FAM111B: variants seen among roughly 807,000 people sequenced by gnomAD.
FAM111B encodes FAM111 trypsin like peptidase B, also known as serine protease FAM111B.
Under a neutral mutation model 2.8 loss-of-function variants are expected in FAM111B, and 1 was observed. That is an observed-to-expected ratio of 0.36 (90% CI 0.13 to 1.70). The LOEUF is 1.70. Ranked by LOEUF, FAM111B falls within the 40% of genes most tolerant of loss-of-function variation. FAM111B has a pLI of 0.35. For synonymous variants in FAM111B, 297 were observed against 295.6 expected, an observed-to-expected ratio of 1.00 and a Z score of -0.05; for missense variants, 882 against 878.9, an observed-to-expected ratio of 1.00 and a Z score of -0.04.
intron 3 of FAM111B, among the ~76,000 whole-genome samples, chr11:59,122,433 T>C (rs2135402469): frequency 6.6e-6 from 1 of 152,334 alleles, no homozygotes; most frequent in African/African-American, 2.4e-5. Context: ...TGGGAAGAGA[T>C]ACATGGATGT....
Position 59,125,285 on chromosome 11 carries a change from A to G in FAM111B, c.1188A>G (p.Glu396=). The change falls in exon 4 of 4, where the codon GAA becomes GAG. Residue 396 remains glutamate, a synonymous_variant. Transcript: ENST00000343597. ...NLLKNYQTLN[E]AIMHQYPNFK... is the part of the protein sequence containing the mutation. ...TAAAGAATTATCAAACGTTGAATGA[A>G]GCCATAATGCATCAGTATCCGAATT... 6.2e-7 allele frequency: 1 copy of G among 1,613,976 alleles called. No individual in the cohort carries two copies. Among genetic ancestry groups the G allele is most frequent in the Non-Finnish European group, 8.5e-7 (1 of 1,179,860 alleles).
intron 3 of FAM111B, among the ~76,000 whole-genome samples, chr11:59,121,662 T>C (rs1259669027): frequency 6.6e-6 from 1 of 152,252 alleles, no homozygotes; most frequent in Non-Finnish European, 1.5e-5. Context: ...CTTCTAAGTC[T>C]ATACTTGAGA....
chr11:59,116,893 C>G (rs1395643839), intron 3 of FAM111B, among the ~76,000 whole-genome samples: 2 of 152,220 alleles, frequency 1.3e-5, no homozygotes, highest in African/African-American at 2.4e-5. Flanking sequence ...CCAGTAGACT[C>G]TGAACGTGAG....
At chr11:59,124,017 GTATC>G (rs77354659) in intron 3 of FAM111B, among the ~76,000 whole-genome samples, 158 bp from the exon 4 acceptor site, 24,673 of 151,998 alleles carry the variant, frequency 0.16, 2,156 homozygotes, top group Non-Finnish European at 0.2. Flanking sequence ...TGTAGAATGA[GTATC>G]TAAATTGATA....
chr11:59,118,878 C>T (rs1859879809), intron 3 of FAM111B, among the ~76,000 whole-genome samples: 2 of 152,196 alleles, frequency 1.3e-5, no homozygotes, highest in South Asian at 4.1e-4. Flanking sequence ...AAAATTAAAC[C>T]AACCTTGCAT....
intron 3 of FAM111B, among the ~76,000 whole-genome samples, chr11:59,117,460 T>C (rs1411281836): frequency 6.6e-6 from 1 of 152,176 alleles, no homozygotes; most frequent in African/African-American, 2.4e-5. Flanking sequence ...GCAAGTATGA[T>C]TACCCCAAAA....
rs199897803 is a variant in FAM111B at position 59,126,245 on chromosome 11, G to A, written c.2148G>A (p.Glu716=). The A allele has an allele frequency of 5.6e-6, 9 of 1,593,378 alleles. No homozygotes were observed. In the East Asian group the frequency reaches 1.6e-4, roughly 28 times the overall value. ...NDEKLETYDE[E]KGKQESSLQD... ...AGAAACTTGAGACCTACGATGAAGA[G>A]AAAGGTAAACAAGAGTCATCACTTC... The change falls in exon 4 of 4, where the codon GAG becomes GAA. Residue 716 remains glutamate (E), a synonymous_variant. Coordinates refer to ENST00000343597, the MANE Select transcript of FAM111B (RefSeq NM_198947.4).
chr11:59,109,703 A>G lies in FAM111B; in HGVS notation c.78A>G (p.Ser26=), dbSNP rs369501461. The part of the protein sequence containing the change: ...EDDQRTRPEV[S]KDTVMKQTHA... Reference sequence around the variant, plus strand: ...ACCAGAGGACTAGACCTGAAGTTTCAAAGGTATATCTACTTTTTTACAACT... The same window carrying G: ...ACCAGAGGACTAGACCTGAAGTTTCGAAGGTATATCTACTTTTTTACAACT... Residue 26 remains serine (S), a synonymous_variant, in exon 3 of 4, where the codon TCA becomes TCG. Transcript: ENST00000343597. 4 of 1,607,088 alleles carry G rather than the reference A, an allele frequency of 2.5e-6. No homozygotes were observed. The highest frequency in any genetic ancestry group is 2.6e-6 in the Non-Finnish European group (3 of 1,175,054).
chr11:59,118,771 G>C (rs972402177), intron 3 of FAM111B, among the ~76,000 whole-genome samples: 2 of 124,962 alleles, frequency 1.6e-5, no homozygotes, highest in African/African-American at 6.2e-5. Context: ...TAGATGTCAG[G>C]CTTACCAAAT....
rs1223809068 is a variant in FAM111B, at chr11:59,125,540, T to C, written c.1443T>C (p.Asn481=). The change falls in exon 4 of 4, where the codon AAT becomes AAC. Residue 481 remains asparagine (N), a synonymous_variant. Coordinates refer to ENST00000343597, the MANE Select transcript of FAM111B (RefSeq NM_198947.4). ...NTGNATCFVF[N]GGYIFTCRHV... ...GTAATGCTACTTGCTTTGTCTTCAA[T>C]GGTGGTTATATTTTCACCTGTCGAC... 1.2e-6 allele frequency: 2 copies of C among 1,613,864 alleles called. No individual in the cohort carries two copies. Among genetic ancestry groups the C allele is most frequent in the African/African-American group, 1.3e-5 (1 of 74,926 alleles).
rs1279121739 is a variant in FAM111B at position 59,113,135 on chromosome 11, T to C, written c.81+3429T>C. Among the ~76,000 whole-genome samples the C allele has an allele frequency of 2.6e-5, 4 of 152,208 alleles. 1 individual carries two copies. In the South Asian group the frequency reaches 6.2e-4, roughly 24 times the overall value. ...TTGTAGTTTTAGGTTTAGTCTGCAA[T>C]TGATTTTAAGTTTTATTTATTTTTT... On this transcript the variant is annotated intron_variant, in intron 3 of 3. Transcript: ENST00000343597.
chr11:59,114,632 A>T (rs190466164), intron 3 of FAM111B, among the ~76,000 whole-genome samples: 58 of 152,214 alleles, frequency 3.8e-4, no homozygotes, highest in Non-Finnish European at 7.5e-4. Flanking sequence ...GACAGTGGTG[A>T]GTACATAGTA....
At chr11:59,120,825 G>A (rs141443499) in intron 3 of FAM111B, among the ~76,000 whole-genome samples, 2 of 152,300 alleles carry the variant, frequency 1.3e-5, no homozygotes, top group South Asian at 2.1e-4. Context: ...ATCACATTTT[G>A]AGGTACTAGG....
rs1860051961 is a variant in FAM111B, at chr11:59,127,146, A to G, written c.*844A>G. The G allele has an allele frequency of 2.0e-5, 3 of 152,208 alleles. No individual in the cohort carries two copies. Among genetic ancestry groups the G allele is most frequent in the African/African-American group, 7.2e-5 (3 of 41,454 alleles). 9.4% of individuals were successfully genotyped at this position (152,208 alleles called of 1,614,324 possible). On this transcript the variant is annotated 3_prime_UTR_variant, in exon 4 of 4. Coordinates refer to ENST00000343597, the MANE Select transcript of FAM111B (RefSeq NM_198947.4). ...CGAACTAATGCAGGAACAGAAAGCC[A>G]AGTACCACATGTTCTCTCATAAGTG... is the stretch of plus-strand genomic sequence containing the variant.
rs1321001797 is a variant in FAM111B at position 59,124,817 on chromosome 11, G to T, written c.720G>T (p.Trp240Cys). 6.2e-7 allele frequency: 1 copy of T among 1,613,732 alleles called. No individual in the cohort carries two copies. Among genetic ancestry groups the T allele is most frequent in the Non-Finnish European group, 8.5e-7 (1 of 1,179,834 alleles). The change falls in exon 4 of 4, where the codon TGG becomes TGT. Residue 240 changes from tryptophan to cysteine, a missense_variant. Transcript: ENST00000343597. ...RFRSDIGEFE[W>C]KLKEGHKKIY... ...GGTCTGACATAGGTGAATTTGAATGGAAACTAAAGGAAGGTCATAAGAAAA... is the reference window on the plus strand; with the variant it reads ...GGTCTGACATAGGTGAATTTGAATGTAAACTAAAGGAAGGTCATAAGAAAA...
rs1283817709 is a variant in FAM111B at position 59,126,002 on chromosome 11, C to T, written c.1905C>T (p.Asn635=). Residue 635 remains asparagine (N), a synonymous_variant, in exon 4 of 4, where the codon AAC becomes AAT. Coordinates refer to ENST00000343597, the MANE Select transcript of FAM111B (RefSeq NM_198947.4). The part of the protein sequence containing the change: ...TQRSFLSEVW[N]THTLSYDTCF... ...GAAGTTTCCTATCAGAGGTTTGGAA[C>T]ACACACACGCTTAGTTATGATACTT... 6.2e-7 allele frequency: 1 copy of T among 1,613,884 alleles called. No individual in the cohort carries two copies. Among genetic ancestry groups the T allele is most frequent in the Non-Finnish European group, 8.5e-7 (1 of 1,179,816 alleles).
intron 3 of FAM111B, among the ~76,000 whole-genome samples, chr11:59,110,988 A>C (rs1447519596): frequency 1.3e-5 from 2 of 152,210 alleles, no homozygotes; most frequent in African/African-American, 4.8e-5. Flanking sequence ...GCTGGTTCAC[A>C]TGAGTGGACA....
intron 3 of FAM111B, among the ~76,000 whole-genome samples, chr11:59,121,278 A>G (rs1406303133): frequency 1.3e-5 from 2 of 152,224 alleles, no homozygotes; most frequent in Non-Finnish European, 2.9e-5. Context: ...AATAAAAAGA[A>G]AAATAATCCA....
At chr11:59,118,428 T>G (rs943754303) in intron 3 of FAM111B, among the ~76,000 whole-genome samples, 1 of 152,218 alleles carries the variant, frequency 6.6e-6, no homozygotes, top group Admixed American at 6.5e-5. Context: ...TTGTTTAATT[T>G]CCTACAATAT....
Sources: allele counts gnomAD v4.1 joint callset (sites outside exome capture counted in the v4.1 genomes callset), GRCh38; gene constraint gnomAD v4.1.1; transcripts MANE v1.5; gene names NCBI Gene and HGNC (gene_info 2026-07-23, HGNC 2026-07-21).